Variants in ADAT1 observed in about 807,000 individuals in gnomAD.
ADAT1 encodes tRNA-specific adenosine deaminase 1.
Under a neutral mutation model 58.6 loss-of-function variants are expected in ADAT1, and 58 were observed. The ratio of observed to expected loss-of-function variants is 0.99; its 90% CI spans 0.80 to 1.23. The LOEUF (loss-of-function observed/expected upper bound fraction) is 1.23, where lower values mean the gene tolerates loss of function less well. Ranked by LOEUF, ADAT1 falls within the 50% of genes most tolerant of loss-of-function variation. ADAT1 has a pLI of 0.00. For missense variants in ADAT1, 741 were observed against 608.6 expected, an observed-to-expected ratio of 1.22 and a Z score of -2.29; for synonymous variants, 254 against 220.8, an observed-to-expected ratio of 1.15 and a Z score of -1.33.
intron 1 of ADAT1, 94 bp downstream of exon 1, chr16:75,622,309 G>C (rs1465510661): frequency 1.3e-5 from 2 of 152,190 alleles, no homozygotes; most frequent in African/African-American, 4.8e-5. Context: ...TGCAGGAAGT[G>C]AGACCCTGTG....
chr16:75,611,359 A>T lies in ADAT1; in HGVS notation c.1043+884T>A, dbSNP rs551192197. On this transcript the variant is annotated intron_variant, in intron 6 of 9. Transcript: ENST00000564657. ...TTATCTTCTAAACTGTTCTTTAAAC[A>T]GTATAGACATGTTTCCATATTAAAT... is the stretch of plus-strand genomic sequence containing the variant. Among the ~76,000 whole-genome samples the T allele has an allele frequency of 4.6e-5, 7 of 152,252 alleles. No homozygotes were observed. In the East Asian group the frequency reaches 1.4e-3, roughly 29 times the overall value.
chr16:75,616,822 T>C lies in ADAT1; in HGVS notation c.424+320A>G, dbSNP rs536707837. Among the ~76,000 whole-genome samples the C allele has an allele frequency of 3.3e-4, 50 of 152,366 alleles. 1 individual carries two copies. Among genetic ancestry groups the C allele is most frequent in the African/African-American group, 1.2e-3 (50 of 41,592 alleles). The stretch of plus-strand genomic sequence containing the variant: ...AAATGAGTTTTAGGATAAGTCACTA[T>C]AGGATTTCCAAGCCCCATGTTGGCT... On this transcript the variant is annotated intron_variant, in intron 5 of 9. Transcript: ENST00000564657.
Position 75,597,454 on chromosome 16 carries a change from C to T in ADAT1, c.*2762G>A, listed in dbSNP as rs2081100318. 1 of 436,682 alleles carries T rather than the reference C, an allele frequency of 2.3e-6. No homozygotes were observed. The highest frequency in any genetic ancestry group is 2.5e-5 in the Admixed American group (1 of 39,984). The allele number at this position is 436,682 out of a possible 1,614,324, so 27.1% of individuals were successfully genotyped here. ...GTCCCCAAGGCACGAAAAAGTCTTCCTTAGAGCAGCAGTCCCCAACCTTTT... is the reference window on the plus strand; with the variant it reads ...GTCCCCAAGGCACGAAAAAGTCTTCTTTAGAGCAGCAGTCCCCAACCTTTT... On this transcript the variant is annotated 3_prime_UTR_variant, in exon 10 of 10. Coordinates refer to ENST00000564657, the MANE Select transcript of ADAT1 (RefSeq NM_001324445.2).
rs922152401 is a variant in ADAT1 at position 75,621,882 on chromosome 16, T to G, written c.-22+521A>C. ...GTAGAAGATGAGCTTGTGATAGACA[T>G]AGCTAAGCACTGTAAAACCAAACTG... On this transcript the variant is annotated intron_variant, in intron 1 of 9. Transcript: ENST00000564657. 2.0e-5 allele frequency among the ~76,000 whole-genome samples: 3 copies of G among 152,314 alleles called. No individual in the cohort carries two copies. The East Asian group carries it at 5.8e-4, about 29-fold the overall frequency.
At position 75,604,474 on chromosome 16, in the gene ADAT1, T is replaced by TACACACACAC. The variant is rs373687206; in HGVS notation, c.1290-1313_1290-1304dup. On this transcript the variant is annotated intron_variant, in intron 8 of 9. Coordinates refer to ENST00000564657, the MANE Select transcript of ADAT1 (RefSeq NM_001324445.2). ...AAAAAAAAATATATATATATATATA[T>TACACACACAC]ACACACACACACACACACACACACA... Among the ~76,000 whole-genome samples, 532 of 53,954 alleles carry TACACACACAC rather than the reference T, an allele frequency of 9.9e-3. 8 individuals carry two copies. Among genetic ancestry groups the TACACACACAC allele is most frequent in the Middle Eastern group, 0.013 (1 of 80 alleles). The allele number at this position is 53,954 out of a possible 152,430, so 35.4% of individuals were successfully genotyped here.
intron 5 of ADAT1, among the ~76,000 whole-genome samples, chr16:75,616,874 C>T (rs888999984): frequency 1.3e-5 from 2 of 152,206 alleles, no homozygotes; most frequent in African/African-American, 2.4e-5. Context: ...TTCAGCCTTA[C>T]GCTCCTAATC....
At position 75,600,089 on chromosome 16, in the gene ADAT1, A is replaced by G. The variant is rs2081183747; in HGVS notation, c.*127T>C. On this transcript the variant is annotated 3_prime_UTR_variant, in exon 10 of 10. Coordinates refer to ENST00000564657, the MANE Select transcript of ADAT1 (RefSeq NM_001324445.2). ...AAGTTCCAGATTCCATCTGTATTACACAACAGAGATGCAAAGCTCAGAAAG... is the reference window on the plus strand; with the variant it reads ...AAGTTCCAGATTCCATCTGTATTACGCAACAGAGATGCAAAGCTCAGAAAG... 12 of 1,527,384 alleles carry G rather than the reference A, an allele frequency of 7.9e-6. No homozygotes were observed. The South Asian group carries it at 1.3e-4, about 17-fold the overall frequency. 94.6% of individuals were successfully genotyped at this position (1,527,384 alleles called of 1,614,324 possible). A position where few individuals can be genotyped will look rare whatever the true frequency, so the allele number is the denominator to read the frequency against.
chr16:75,622,705 G>A lies in ADAT1; in HGVS notation c.-324C>T, dbSNP rs964957153. 6.6e-6 allele frequency: 1 copy of A among 152,182 alleles called. No individual in the cohort carries two copies. Among genetic ancestry groups the A allele is most frequent in the African/African-American group, 2.4e-5 (1 of 41,434 alleles). 9.4% of individuals were successfully genotyped at this position (152,182 alleles called of 1,614,324 possible). ...TCTTGAAAACTTGAAGAACTTCTTA[G>A]CTGAAAATAACAGCTCAGCTAAACA... On this transcript the variant is annotated 5_prime_UTR_variant, in exon 1 of 10. Coordinates refer to ENST00000564657, the MANE Select transcript of ADAT1 (RefSeq NM_001324445.2).
chr16:75,612,890 T>C (rs755078781), intron 5 of ADAT1, 29 bp from the exon 6 acceptor site: 36 of 1,599,586 alleles, frequency 2.3e-5, no homozygotes, highest in Non-Finnish European at 3.0e-5. Context: ...CTTAAACAAA[T>C]GGTTCTCAAG....
chr16:75,608,123 G>T, intron 8 of ADAT1, 101 bp downstream of exon 8: 1 of 970,540 alleles, frequency 1.0e-6, no homozygotes, highest in Non-Finnish European at 1.6e-6. Context: ...CTGCTAATGG[G>T]TATGGTTGTT....
chr16:75,621,437 C>T (rs897651047), intron 1 of ADAT1, among the ~76,000 whole-genome samples: 1 of 151,968 alleles, frequency 6.6e-6, no homozygotes, highest in African/African-American at 2.4e-5. Context: ...AACTGTGATG[C>T]TGAATAGACT....
intron 8 of ADAT1, among the ~76,000 whole-genome samples, 192 bp downstream of exon 8, chr16:75,608,032 A>T (rs900583761): frequency 6.6e-6 from 1 of 152,242 alleles, no homozygotes; most frequent in South Asian, 2.1e-4. Flanking sequence ...TGTCCAGACT[A>T]GACAAATCCA....
Position 75,612,851 on chromosome 16 carries a change from G to A in ADAT1, c.435C>T (p.Ala145=). The change falls in exon 6 of 10, where the codon GCC becomes GCT. Residue 145 remains alanine (A), a synonymous_variant. Transcript: ENST00000564657. The part of the protein sequence containing the change: ...FFSSHTPCGD[A]SIIPMLEFED... ...CAAACTCAAGCATCGGAATGATGGAGGCATCCCCACCTGCAGAGAATGAAC... is the reference window on the plus strand; with the variant it reads ...CAAACTCAAGCATCGGAATGATGGAAGCATCCCCACCTGCAGAGAATGAAC... 6.2e-7 allele frequency: 1 copy of A among 1,613,550 alleles called. No individual in the cohort carries two copies.
At chr16:75,606,051 T>TG (rs34102606) in intron 8 of ADAT1, among the ~76,000 whole-genome samples, 15,971 of 142,324 alleles carry the variant, frequency 0.11, 1,838 homozygotes, top group East Asian at 0.62. Flanking sequence ...TTTTAGAGAT[T>TG]GGGGGGGGGG....
At chr16:75,609,470 A>G (rs1162407180) in intron 6 of ADAT1, among the ~76,000 whole-genome samples, 3 of 152,188 alleles carry the variant, frequency 2.0e-5, no homozygotes, top group African/African-American at 4.8e-5. Context: ...AACAGAAAAC[A>G]TCCCAGGCAC....
chr16:75,597,455 T>C lies in ADAT1; in HGVS notation c.*2761A>G. On this transcript the variant is annotated 3_prime_UTR_variant, in exon 10 of 10. Transcript: ENST00000564657. Reference sequence around the variant, plus strand: ...TCCCCAAGGCACGAAAAAGTCTTCCTTAGAGCAGCAGTCCCCAACCTTTTT... The same window carrying C: ...TCCCCAAGGCACGAAAAAGTCTTCCCTAGAGCAGCAGTCCCCAACCTTTTT... 2.3e-6 allele frequency: 1 copy of C among 437,442 alleles called. No individual in the cohort carries two copies. The highest frequency in any genetic ancestry group is 4.6e-6 in the Non-Finnish European group (1 of 217,894). The allele number at this position is 437,442 out of a possible 1,614,324, so 27.1% of individuals were successfully genotyped here. A position where few individuals can be genotyped will look rare whatever the true frequency, so the allele number is the denominator to read the frequency against.
In ADAT1 at chr16:75,599,112, T is replaced by C. The variant is rs1311842223; in HGVS notation, c.*1104A>G. On this transcript the variant is annotated 3_prime_UTR_variant, in exon 10 of 10. Transcript: ENST00000564657. ...TTTTTTTTTTTTTGAGATAGGGTCT[T>C]GCTCTATCACCCAGGCTGGAGTGCA... is the stretch of plus-strand genomic sequence containing the variant. 3 of 971,598 alleles carry C rather than the reference T, an allele frequency of 3.1e-6. No individual in the cohort carries two copies. The highest frequency in any genetic ancestry group is 3.6e-6 in the Non-Finnish European group (3 of 823,060). 60.2% of individuals were successfully genotyped at this position (971,598 alleles called of 1,614,324 possible). A position where few individuals can be genotyped will look rare whatever the true frequency, so the allele number is the denominator to read the frequency against.
chr16:75,600,378 G>A, intron 9 of ADAT1, 30 bp from the exon 10 acceptor site: 2 of 1,610,378 alleles, frequency 1.2e-6, no homozygotes, highest in Non-Finnish European at 1.7e-6. Context: ...AAATACACAG[G>A]TTCTCATTGA....
At chr16:75,619,385 G>A (rs1194460185) in intron 3 of ADAT1, among the ~76,000 whole-genome samples, 1 of 152,056 alleles carries the variant, frequency 6.6e-6, no homozygotes, top group African/African-American at 2.4e-5. Context: ...AAAATTAGCT[G>A]CACATAGGTG....
Sources: gnomAD v4.1 joint callset for allele counts (sites outside exome capture counted in the v4.1 genomes callset) on GRCh38, gnomAD v4.1.1 for gene constraint, MANE v1.5 for transcripts, NCBI Gene and HGNC (gene_info 2026-07-23, HGNC 2026-07-21) for gene names.